Variants in KLK10 observed in about 807,000 individuals in gnomAD.
KLK10 encodes kallikrein-10.
KLK10 carries 27 observed loss-of-function variants against 25.7 expected under a neutral mutation model. That is an observed-to-expected ratio of 1.05 (90% CI 0.77 to 1.45). The LOEUF (loss-of-function observed/expected upper bound fraction) is 1.45, where lower values mean the gene tolerates loss of function less well. Among genes scored for constraint, KLK10 ranks in the 40% most tolerant of loss-of-function variants. KLK10 has a pLI of 0.00. For synonymous variants in KLK10, 173 were observed against 160.1 expected (o/e 1.08, Z -0.61); for missense variants, 386 against 370.0 (o/e 1.04, Z -0.35).
At chr19:51,017,369 G>A in intron 2 of KLK10, 79 bp from the exon 3 acceptor site, 4 of 1,344,212 alleles carry the variant, frequency 3.0e-6, no homozygotes, top group Non-Finnish European at 4.0e-6. Flanking sequence ...TGTGGCACTG[G>A]ACTGCGTTCG....
chr19:51,016,261 G>A, intron 3 of KLK10, 105 bp from the exon 4 acceptor site: 1 of 1,297,414 alleles, frequency 7.7e-7, no homozygotes, highest in South Asian at 1.6e-5. Flanking sequence ...GAGGGAAGAG[G>A]GCCTTGTGGG....
intron 5 of KLK10, 36 bp downstream of exon 5, chr19:51,015,381 C>T: frequency 1.2e-6 from 2 of 1,601,850 alleles, no homozygotes; most frequent in Non-Finnish European, 1.7e-6. Flanking sequence ...TGTCCTCCCT[C>T]CCAGGAGTCA....
chr19:51,014,855 T>A lies in KLK10; in HGVS notation c.776A>T (p.Tyr259Phe), dbSNP rs1179102237. The A allele has an allele frequency of 6.2e-7, 1 of 1,613,908 alleles. No homozygotes were observed. The highest frequency in any genetic ancestry group is 8.5e-7 in the Non-Finnish European group (1 of 1,179,988). The change falls in exon 6 of 6, where the codon TAC (tyrosine) becomes TTC (phenylalanine). Residue 259 changes from tyrosine (Y) to phenylalanine (F), a missense_variant. Transcript: ENST00000358789. ...GGACATGTATTTGCAGATCTGGGTG[T>A]AGACAGCTGGATGCTGGGCAGAGCC... ...PCGSAQHPAV[Y>F]TQICKYMSWI...
At chr19:51,017,456 G>A in intron 2 of KLK10, 166 bp from the exon 3 acceptor site, 1 of 638,216 alleles carries the variant, frequency 1.6e-6, no homozygotes, top group Non-Finnish European at 2.7e-6. Flanking sequence ...GGGAATGGGA[G>A]GAGAAGAAGC....
Position 51,015,970 on chromosome 19 carries a change from G to A in KLK10, c.456C>T (p.Arg152=), listed in dbSNP as rs530739267. 3.4e-5 allele frequency: 54 copies of A among 1,581,432 alleles called. 1 individual carries two copies. In the African/African-American group the frequency reaches 4.6e-4, roughly 13 times the overall value. The stretch of plus-strand genomic sequence containing the variant: ...GGTAGGGAAGCTGCAGGGCCCGGAC[G>A]CGGGGCCCCAGCACTACGGGCCTGG... ...KLARPVVLGP[R]VRALQLPYRC... The change falls in exon 4 of 6, where the codon CGC becomes CGT. Residue 152 remains arginine, a synonymous_variant. Coordinates refer to ENST00000358789, the MANE Select transcript of KLK10 (RefSeq NM_145888.3).
intron 3 of KLK10, 95 bp from the exon 4 acceptor site, chr19:51,016,251 G>C: frequency 7.4e-7 from 1 of 1,355,882 alleles, no homozygotes; most frequent in East Asian, 2.5e-5. Flanking sequence ...GGAAGAGTCT[G>C]AGGGAAGAGG....
In KLK10 at chr19:51,015,476, C is replaced by G; in HGVS notation, c.619G>C (p.Gly207Arg). 3 of 1,613,870 alleles carry G rather than the reference C, an allele frequency of 1.9e-6. No homozygotes were observed. Among genetic ancestry groups the G allele is most frequent in the Non-Finnish European group, 2.5e-6 (3 of 1,179,902 alleles). ...CATATCATGTTGTTGGTGACCACGC[C>G]AGGGTAGAAGACCTCACACTCTTTA... ...SPKECEVFYP[G>R]VVTNNMICAG... Residue 207 changes from glycine to arginine, a missense_variant, in exon 5 of 6, where the codon GGC becomes CGC. By Grantham distance (125) the Gly-to-Arg change is moderately radical (BLOSUM62 -2). Coordinates refer to ENST00000358789, the MANE Select transcript of KLK10 (RefSeq NM_145888.3).
chr19:51,017,475 G>A (rs1014106047), intron 2 of KLK10, among the ~76,000 whole-genome samples, 185 bp from the exon 3 acceptor site: 3 of 152,242 alleles, frequency 2.0e-5, no homozygotes, highest in Admixed American at 6.5e-5. Context: ...GCGCGTGAAA[G>A]TGGAAGGAAG....
intron 3 of KLK10, 94 bp downstream of exon 3, chr19:51,017,016 G>T (rs546043742): frequency 4.7e-5 from 59 of 1,256,356 alleles, no homozygotes; most frequent in Non-Finnish European, 6.4e-5. Flanking sequence ...ACCTCCAGCT[G>T]TGGGAGTTCC....
chr19:51,017,631 G>C (rs558769597), intron 2 of KLK10, among the ~76,000 whole-genome samples: 1 of 151,718 alleles, frequency 6.6e-6, no homozygotes, highest in East Asian at 1.9e-4. Context: ...GTAAGGGTGC[G>C]GGGATAGAAC....
intron 3 of KLK10, 82 bp downstream of exon 3, chr19:51,017,026 CGA>C: frequency 7.4e-7 from 1 of 1,349,966 alleles, no homozygotes; most frequent in Non-Finnish European, 9.9e-7. Context: ...GTGGGAGTTC[CGA>C]GAGACCCCGC....
intron 4 of KLK10, 132 bp downstream of exon 4, chr19:51,015,750 G>A: frequency 1.8e-6 from 2 of 1,111,290 alleles, no homozygotes; most frequent in Non-Finnish European, 1.3e-6. Context: ...ACAGACCCAG[G>A]CATCTAGGAC....
chr19:51,015,510 G>A lies in KLK10; in HGVS notation c.585C>T (p.Ile195=), dbSNP rs2091314091. Residue 195 remains isoleucine (I), a synonymous_variant, in exon 5 of 6, where the codon ATC becomes ATT. Transcript: ENST00000358789. ...AGACCTCACACTCTTTAGGGCTCAG[G>A]ATAGTGATGCTGGAGCAGGTCAGGC... is the stretch of plus-strand genomic sequence containing the variant. ...NKGLTCSSIT[I]LSPKECEVFY... is the part of the protein sequence containing the mutation. The A allele has an allele frequency of 6.2e-6, 10 of 1,613,822 alleles. No individual in the cohort carries two copies. In the East Asian group the frequency reaches 1.8e-4, roughly 29 times the overall value.
In KLK10 at chr19:51,015,479, G is replaced by C; in HGVS notation, c.616C>G (p.Pro206Ala). ...LSPKECEVFY[P>A]GVVTNNMICA... ...ATCATGTTGTTGGTGACCACGCCAG[G>C]GTAGAAGACCTCACACTCTTTAGGG... Residue 206 changes from proline to alanine, a missense_variant, in exon 5 of 6, where the codon CCT becomes GCT. By Grantham distance (27) the Pro-to-Ala change is conservative. Transcript: ENST00000358789. 1 of 1,613,806 alleles carries C rather than the reference G, an allele frequency of 6.2e-7. No homozygotes were observed. The highest frequency in any genetic ancestry group is 8.5e-7 in the Non-Finnish European group (1 of 1,179,878).
At chr19:51,016,977 C>T in intron 3 of KLK10, 133 bp downstream of exon 3, 1 of 943,732 alleles carries the variant, frequency 1.1e-6, no homozygotes, top group East Asian at 2.7e-5. Context: ...CCCGGTCTCT[C>T]CTCCTGCTGG....
rs540828884 is a variant in KLK10 at position 51,019,341 on chromosome 19, C to G, written c.-9-202G>C. On this transcript the variant is annotated intron_variant, in intron 1 of 5. Coordinates refer to ENST00000358789, the MANE Select transcript of KLK10 (RefSeq NM_145888.3). This position sits in a 1 kb window ranked among gnomAD's most constrained non-coding sequence, Gnocchi z 4.2. ...ACAATTACCCTAATGACGCCCCTCG[C>G]GGCATCTTCCCGTCCTCCCTGTGCC... Among the ~76,000 whole-genome samples, 76 of 152,326 alleles carry G rather than the reference C, an allele frequency of 5.0e-4. 1 individual carries two copies. The South Asian group carries it at 0.016, about 31-fold the overall frequency.
chr19:51,015,660 A>T, intron 4 of KLK10, 110 bp from the exon 5 acceptor site: 1 of 1,305,884 alleles, frequency 7.7e-7, no homozygotes, highest in Non-Finnish European at 1.1e-6. Flanking sequence ...CTCCTCCTTC[A>T]GACTCAAGAA....
chr19:51,018,288 GGAAA>G (rs2091361191), intron 2 of KLK10, among the ~76,000 whole-genome samples: 1 of 134,920 alleles, frequency 7.4e-6, no homozygotes, highest in Non-Finnish European at 1.6e-5. Context: ...AAGGAAGGAA[GGAAA>G]GGAAGGAAGG....
Position 51,019,037 on chromosome 19 carries a change from C to G in KLK10, c.88+6G>C. 1.9e-6 allele frequency: 3 copies of G among 1,597,606 alleles called. No individual in the cohort carries two copies. The highest frequency in any genetic ancestry group is 2.5e-6 in the Non-Finnish European group (3 of 1,176,662). On this transcript the variant is annotated splice_donor_region_variant and intron_variant, in intron 2 of 5. Transcript: ENST00000358789. The surrounding 1 kb of genome is among the most constrained non-coding windows in gnomAD (Gnocchi z 4.2). ...GCCTCTCCCCGCCCCCTGCCCCCGA[C>G]CTTACCCCAGAGTTGCGCCATCAGC... is the stretch of plus-strand genomic sequence containing the variant.
Sources: gnomAD v4.1 joint callset for allele counts (sites outside exome capture counted in the v4.1 genomes callset) on GRCh38, gnomAD v4.1.1 for gene constraint, Gnocchi (gnomAD v3.1) non-coding constraint, MANE v1.5 for transcripts, NCBI Gene and HGNC (gene_info 2026-07-23, HGNC 2026-07-21) for gene names.